Variants in LITAF observed in about 807,000 individuals in gnomAD.
The protein encoded by LITAF is lipopolysaccharide induced TNF factor.
Under a neutral mutation model 14.5 loss-of-function variants are expected in LITAF, and 9 were observed. The ratio of observed to expected loss-of-function variants is 0.62; its 90% CI spans 0.37 to 1.08. The LOEUF is 1.08. LITAF is among the 50% of genes least tolerant of loss of function. The pLI is 0.01. For missense variants in LITAF, 206 were observed against 213.4 expected (o/e 0.97, Z 0.22); for synonymous variants, 98 against 88.2 (o/e 1.11, Z -0.62).
intron 1 of LITAF, among the ~76,000 whole-genome samples, chr16:11,576,554 A>AAAAAAAAAAAAAAAAAAAAAAAGAC (rs1555469756): frequency 8.6e-6 from 1 of 116,640 alleles, no homozygotes; most frequent in African/African-American, 3.3e-5. Flanking sequence ...AAAAAAAAAA[A>AAAAAAAAAAAAAAAAAAAAAAAGAC]AGAGAGAGAG....
upstream of LITAF, among the ~76,000 whole-genome samples, chr16:11,589,923 C>CAAAGTATGTGGTTCTGGCATAAGAAT (rs2064838117): frequency 8.5e-6 from 1 of 117,412 alleles, no homozygotes; most frequent in African/African-American, 4.0e-5. Flanking sequence ...CACACCCAGC[C>CAAAGTATGTGGTTCTGGCATAAGAAT]AGTTGCATTT....
intron 1 of LITAF, among the ~76,000 whole-genome samples, chr16:11,569,029 TC>T (rs1048219085): frequency 1.2e-4 from 18 of 152,026 alleles, no homozygotes; most frequent in Admixed American, 1.2e-3. Context: ...CCTGACCCCA[TC>T]CCTCTCTGGT....
At chr16:11,621,606 G>C (rs923803807) in intron 3 of LITAF, among the ~76,000 whole-genome samples, 3 of 152,180 alleles carry the variant, frequency 2.0e-5, no homozygotes, top group Non-Finnish European at 4.4e-5. Flanking sequence ...ATAGACAGGA[G>C]TCAGAAGGGA....
At position 11,549,806 on chromosome 16, in the gene LITAF, G is replaced by T; in HGVS notation, c.378-61C>A. On this transcript the variant is annotated intron_variant, in intron 3 of 3. Coordinates refer to ENST00000622633, the MANE Select transcript of LITAF (RefSeq NM_001136472.2). This position sits in a 1 kb window ranked among gnomAD's most constrained non-coding sequence, Gnocchi z 4.6. ...GATCACAACAGGGTGAACACTGGCT[G>T]CCAAAACCATGTTCATGTCCTTCTT... The T allele has an allele frequency of 7.7e-7, 1 of 1,303,244 alleles. No homozygotes were observed. The highest frequency in any genetic ancestry group is 1.1e-6 in the Non-Finnish European group (1 of 913,986). The allele number at this position is 1,303,244 out of a possible 1,614,324, so 80.7% of individuals were successfully genotyped here.
intron 3 of LITAF, among the ~76,000 whole-genome samples, chr16:11,619,413 T>C (rs572345488): frequency 3.3e-5 from 5 of 152,166 alleles, no homozygotes; most frequent in African/African-American, 1.2e-4. Flanking sequence ...AGGCCCCAAA[T>C]GTCATGTGAC....
At chr16:11,594,967 T>C (rs930747308) in intron 1 of LITAF, among the ~76,000 whole-genome samples, 1 of 152,052 alleles carries the variant, frequency 6.6e-6, no homozygotes, top group Non-Finnish European at 1.5e-5. Context: ...GTGATGTAAT[T>C]AGGGAATTTT....
intron 2 of LITAF, among the ~76,000 whole-genome samples, chr16:11,555,776 G>C (rs977891821): frequency 6.6e-6 from 1 of 152,034 alleles, no homozygotes; most frequent in Admixed American, 6.6e-5. Flanking sequence ...ACAACAATAA[G>C]AGTTCACTTT....
chr16:11,575,719 G>C (rs559372820), intron 1 of LITAF: 1 of 152,020 alleles, frequency 6.6e-6, no homozygotes. Context: ...CACGGCCCAC[G>C]GCCAAGGGTG....
At position 11,592,400 on chromosome 16, in the gene LITAF, A is replaced by G. The variant is rs1597363815; in HGVS notation, c.-6+5988T>C. On this transcript the variant is annotated intron_variant, in intron 1 of 3. Coordinates refer to the LITAF transcript ENST00000571627. The stretch of plus-strand genomic sequence containing the variant: ...AGACCAGCCTAACCAACATGGTGAA[A>G]CCCCATCTCTACTAAAAATACAAAA... Among the ~76,000 whole-genome samples, 3 of 152,104 alleles carry G rather than the reference A, an allele frequency of 2.0e-5. No individual in the cohort carries two copies. The East Asian group carries it at 5.8e-4, about 30-fold the overall frequency.
At chr16:11,587,327 G>T (rs545478451), upstream of LITAF, 769 of 449,412 alleles carry the variant, frequency 1.7e-3, no homozygotes, top group Non-Finnish European at 2.7e-3. Context: ...CCAGGCGGCG[G>T]GACCACCAAC....
intron 1 of LITAF, among the ~76,000 whole-genome samples, chr16:11,585,401 T>A (rs1370832262): frequency 3.3e-5 from 5 of 152,146 alleles, no homozygotes; most frequent in Admixed American, 3.3e-4. Context: ...CATGGTAGAT[T>A]ACAATTAAAT....
chr16:11,559,936 C>T (rs1047601400), intron 1 of LITAF, among the ~76,000 whole-genome samples: 6 of 151,760 alleles, frequency 4.0e-5, no homozygotes, highest in Admixed American at 6.6e-5. Flanking sequence ...TCAAGTGAGC[C>T]GTGACTGCGC....
At chr16:11,577,650 A>T (rs1359614374) in intron 1 of LITAF, among the ~76,000 whole-genome samples, 2 of 152,032 alleles carry the variant, frequency 1.3e-5, no homozygotes, top group African/African-American at 4.8e-5. Context: ...AGAAAAGACA[A>T]ATCTTCCTCA....
chr16:11,569,434 G>T (rs1273400372), intron 1 of LITAF, among the ~76,000 whole-genome samples: 1 of 152,022 alleles, frequency 6.6e-6, no homozygotes, highest in Admixed American at 6.6e-5. Context: ...TAGGGATGAG[G>T]TCTCGCCATG....
At chr16:11,615,759 C>G (rs1597372278) in intron 3 of LITAF, among the ~76,000 whole-genome samples, 1 of 152,248 alleles carries the variant, frequency 6.6e-6, no homozygotes, top group East Asian at 1.9e-4. Context: ...GGTCTTTGTT[C>G]CCTGTCACTG....
At chr16:11,631,904 C>T (rs895964321) in intron 3 of LITAF, among the ~76,000 whole-genome samples, 4 of 148,786 alleles carry the variant, frequency 2.7e-5, no homozygotes, top group African/African-American at 5.0e-5. Flanking sequence ...GGCTGGAGTG[C>T]AACAGCACAA....
intron 3 of LITAF, among the ~76,000 whole-genome samples, chr16:11,620,100 A>G (rs945511639): frequency 9.3e-5 from 14 of 151,036 alleles, no homozygotes; most frequent in African/African-American, 3.4e-4. Flanking sequence ...CCTGGGAGGC[A>G]GAGGCTGCAG....
chr16:11,586,115 C>G lies in LITAF; in HGVS notation c.-6+771G>C, dbSNP rs1431831355. 3 of 152,546 alleles carry G rather than the reference C, an allele frequency of 2.0e-5. No homozygotes were observed. Among genetic ancestry groups the G allele is most frequent in the Non-Finnish European group, 4.4e-5 (3 of 68,314 alleles). 9.4% of individuals were successfully genotyped at this position (152,546 alleles called of 1,614,324 possible). On this transcript the variant is annotated intron_variant, in intron 1 of 3. Transcript: ENST00000622633. The surrounding 1 kb of genome is among the most constrained non-coding windows in gnomAD (Gnocchi z 6.5). The stretch of plus-strand genomic sequence containing the variant: ...GGAGGGGCGAGATCCACTTCTGCCA[C>G]CAGTCACCAGCTGGTCCCACCAGCA...
In LITAF at chr16:11,634,470, A is replaced by G. The variant is rs996103420; in HGVS notation, c.-20-833T>C. On this transcript the variant is annotated intron_variant, in intron 2 of 3. Transcript: ENST00000574848. The surrounding 1 kb of genome is among the most constrained non-coding windows in gnomAD (Gnocchi z 4.1). ...GTGTAGACATACATGATTACCAGCC[A>G]TTATTCCAGAGGCCACAAGATTTGC... 6.6e-6 allele frequency among the ~76,000 whole-genome samples: 1 copy of G among 152,186 alleles called. No individual in the cohort carries two copies. Among genetic ancestry groups the G allele is most frequent in the South Asian group, 2.1e-4 (1 of 4,836 alleles).
Sources: allele counts gnomAD v4.1 joint callset (sites outside exome capture counted in the v4.1 genomes callset), GRCh38; gene constraint gnomAD v4.1.1; non-coding constraint Gnocchi (gnomAD v3.1); transcripts MANE v1.5; gene names NCBI Gene and HGNC (gene_info 2026-07-23, HGNC 2026-07-21).